The following UNC5D variants were observed in gnomAD, a reference collection of about 807,000 sequenced individuals.
UNC5D encodes unc-5 netrin receptor D.
In UNC5D, 39 loss-of-function variants were observed where a neutral mutation model predicts 105.4. The ratio of observed to expected loss-of-function variants is 0.37; its 90% CI spans 0.29 to 0.48. The LOEUF (loss-of-function observed/expected upper bound fraction) is 0.48. Among genes scored for constraint, UNC5D ranks in the 20% least tolerant of loss-of-function variants. The probability of loss-of-function intolerance (pLI) is 0.98; values close to 1 mark genes in which losing one functional copy is unlikely to be tolerated. For missense variants in UNC5D, 991 were observed against 1,202.4 expected (o/e 0.82, Z 2.60); for synonymous variants, 452 against 450.4 (o/e 1.00, Z -0.04).
chr8:35,472,731 G>T (rs1809821158), intron 1 of UNC5D, among the ~76,000 whole-genome samples: 2 of 152,280 alleles, frequency 1.3e-5, no homozygotes, highest in East Asian at 1.9e-4. Flanking sequence ...GAGGAAAAGT[G>T]AGTTACTTAA....
intron 1 of UNC5D, among the ~76,000 whole-genome samples, chr8:35,286,253 T>G (rs953293715): frequency 1.3e-5 from 2 of 152,160 alleles, no homozygotes; most frequent in Admixed American, 6.5e-5. Flanking sequence ...TTGTTTAACT[T>G]TACTCACCTC....
intron 1 of UNC5D, among the ~76,000 whole-genome samples, chr8:35,259,615 T>C (rs1369596008): frequency 6.6e-6 from 1 of 152,158 alleles, no homozygotes; most frequent in Non-Finnish European, 1.5e-5. Flanking sequence ...CGTTTTTTCC[T>C]CCTCTCTGAA....
chr8:35,420,139 T>A (rs1376915871), intron 1 of UNC5D, among the ~76,000 whole-genome samples: 1 of 152,246 alleles, frequency 6.6e-6, no homozygotes, highest in Non-Finnish European at 1.5e-5. Context: ...CAGGGACCTG[T>A]GCCTGCCTGC....
At chr8:35,505,514 G>A (rs1191677328) in intron 1 of UNC5D, among the ~76,000 whole-genome samples, 2 of 152,188 alleles carry the variant, frequency 1.3e-5, no homozygotes, top group Non-Finnish European at 2.9e-5. Context: ...CCAGGTCTGT[G>A]GTAAGGGTGT....
chr8:35,393,840 A>G (rs181641326), intron 1 of UNC5D, among the ~76,000 whole-genome samples: 1 of 152,346 alleles, frequency 6.6e-6, no homozygotes, highest in African/African-American at 2.4e-5. Flanking sequence ...AAATTGGAAG[A>G]ACTCACTGTA....
At chr8:35,315,821 A>G (rs766597712) in intron 1 of UNC5D, among the ~76,000 whole-genome samples, 1 of 152,174 alleles carries the variant, frequency 6.6e-6, no homozygotes, top group African/African-American at 2.4e-5. Context: ...GCAACCAGGC[A>G]ATGTGACTCT....
At chr8:35,694,508 A>G (rs1416907084) in intron 7 of UNC5D, among the ~76,000 whole-genome samples, 1 of 152,214 alleles carries the variant, frequency 6.6e-6, no homozygotes, top group Non-Finnish European at 1.5e-5. Flanking sequence ...AATTCTGATT[A>G]CAATACTATA....
chr8:35,339,679 A>G (rs982025241), intron 1 of UNC5D, among the ~76,000 whole-genome samples: 2 of 152,194 alleles, frequency 1.3e-5, no homozygotes, highest in Non-Finnish European at 2.9e-5. Flanking sequence ...CGGGGACTGT[A>G]ACTGAATCCA....
intron 4 of UNC5D, among the ~76,000 whole-genome samples, chr8:35,671,005 T>TATC (rs1350913267): frequency 2.6e-5 from 4 of 151,916 alleles, no homozygotes; most frequent in African/African-American, 9.7e-5. Context: ...CCTAGAATAT[T>TATC]ATCTGACACA....
chr8:35,547,076 A>T (rs201478825), intron 1 of UNC5D, among the ~76,000 whole-genome samples: 1 of 142,776 alleles, frequency 7.0e-6, no homozygotes, highest in Non-Finnish European at 1.5e-5. Context: ...AATGGGAAAA[A>T]AAATCTTATT....
intron 1 of UNC5D, among the ~76,000 whole-genome samples, chr8:35,434,077 AATG>A (rs1806837498): frequency 6.6e-6 from 1 of 152,030 alleles, no homozygotes; most frequent in Non-Finnish European, 1.5e-5. Context: ...TATGTAACAT[AATG>A]ATAAGCCTTG....
At chr8:35,505,835 G>A (rs573710041) in intron 1 of UNC5D, among the ~76,000 whole-genome samples, 1 of 152,328 alleles carries the variant, frequency 6.6e-6, no homozygotes, top group Admixed American at 6.5e-5. Flanking sequence ...GACTGCCTTT[G>A]ATCAGACTCT....
intron 1 of UNC5D, among the ~76,000 whole-genome samples, chr8:35,350,153 G>A (rs1419535287): frequency 6.6e-6 from 1 of 151,930 alleles, no homozygotes; most frequent in Non-Finnish European, 1.5e-5. Context: ...TGCCTTCAAA[G>A]CTTGGACATG....
chr8:35,426,258 G>T (rs1806240727), intron 1 of UNC5D, among the ~76,000 whole-genome samples: 1 of 151,950 alleles, frequency 6.6e-6, no homozygotes, highest in African/African-American at 2.4e-5. Flanking sequence ...CATAAAACAT[G>T]GTTCTAAGTA....
chr8:35,474,663 C>G (rs1417475804), intron 1 of UNC5D, among the ~76,000 whole-genome samples: 2 of 152,162 alleles, frequency 1.3e-5, no homozygotes, highest in Admixed American at 6.5e-5. Flanking sequence ...CCATCACAGC[C>G]TGGCGGGATT....
At chr8:35,694,006 G>A (rs1437819748) in intron 7 of UNC5D, among the ~76,000 whole-genome samples, 1 of 152,000 alleles carries the variant, frequency 6.6e-6, no homozygotes, top group African/African-American at 2.4e-5. Flanking sequence ...GGAAAAAAAC[G>A]AAAGCAAAAC....
chr8:35,690,622 GAATAAATA>G (rs1238419446), intron 7 of UNC5D, among the ~76,000 whole-genome samples: 1 of 152,112 alleles, frequency 6.6e-6, no homozygotes, highest in Non-Finnish European at 1.5e-5. Context: ...CTGTCTCAAA[GAATAAATA>G]AATAAAGATA....
intron 1 of UNC5D, among the ~76,000 whole-genome samples, chr8:35,421,139 G>C (rs1805874182): frequency 6.6e-6 from 1 of 152,160 alleles, no homozygotes; most frequent in Non-Finnish European, 1.5e-5. Context: ...GAAAGGTTAT[G>C]ACATTAACCT....
chr8:35,773,712 G>C (rs1380178966), intron 15 of UNC5D, among the ~76,000 whole-genome samples: 1 of 151,888 alleles, frequency 6.6e-6, no homozygotes, highest in Non-Finnish European at 1.5e-5. Flanking sequence ...TCACCTGACA[G>C]TTTGTTATTT....
Sources: gnomAD v4.1 joint callset for allele counts (sites outside exome capture counted in the v4.1 genomes callset) on GRCh38, gnomAD v4.1.1 for gene constraint, MANE v1.5 for transcripts, NCBI Gene and HGNC (gene_info 2026-07-23, HGNC 2026-07-21) for gene names.